Variants in PPP4R4 observed in about 807,000 individuals in gnomAD.
PPP4R4 encodes the protein protein phosphatase 4 regulatory subunit 4.
Under a neutral mutation model 121.8 loss-of-function variants are expected in PPP4R4, and 70 were observed. The ratio of observed to expected loss-of-function variants is 0.57; its 90% confidence interval spans 0.47 to 0.70. The LOEUF is 0.70. Ranked by LOEUF, PPP4R4 falls within the 30% of genes least tolerant of loss-of-function variation. The probability of loss-of-function intolerance (pLI) is 0.00; values close to 1 mark genes in which losing one functional copy is unlikely to be tolerated. For synonymous variants in PPP4R4, 348 were observed against 355.7 expected, an observed-to-expected ratio of 0.98 and a Z score of 0.24; for missense variants, 875 against 1,033.6, an observed-to-expected ratio of 0.85 and a Z score of 2.10.
chr14:94,268,939 G>A (rs1894182533), intron 23 of PPP4R4, among the ~76,000 whole-genome samples: 1 of 152,074 alleles, frequency 6.6e-6, no homozygotes, highest in Non-Finnish European at 1.5e-5. Context: ...TAAAATATTT[G>A]AAAAATATTC....
intron 2 of PPP4R4, among the ~76,000 whole-genome samples, chr14:94,176,328 C>G (rs1226959941): frequency 1.3e-5 from 2 of 152,030 alleles, no homozygotes; most frequent in Non-Finnish European, 2.9e-5. Context: ...AATAAAATAC[C>G]TAATTTATAG....
intron 2 of PPP4R4, among the ~76,000 whole-genome samples, chr14:94,207,269 A>G (rs904488624): frequency 3.3e-5 from 5 of 151,910 alleles, no homozygotes; most frequent in Non-Finnish European, 7.4e-5. Flanking sequence ...TCCATTTGGC[A>G]TGGGTTCTCT....
chr14:94,261,542 T>G (rs1893786359), intron 19 of PPP4R4, among the ~76,000 whole-genome samples: 1 of 152,092 alleles, frequency 6.6e-6, no homozygotes, highest in Admixed American at 6.5e-5. Context: ...TTCTTTCTAT[T>G]CAATATTTAT....
intron 2 of PPP4R4, among the ~76,000 whole-genome samples, chr14:94,186,167 T>G (rs1481322547): frequency 2.0e-5 from 3 of 152,194 alleles, no homozygotes; most frequent in African/African-American, 4.8e-5. Context: ...ACCATGTAAT[T>G]TAATGATTTT....
At chr14:94,245,156 CTT>C (rs1310538147) in intron 12 of PPP4R4, among the ~76,000 whole-genome samples, 1 of 152,050 alleles carries the variant, frequency 6.6e-6, no homozygotes, top group African/African-American at 2.4e-5. Context: ...CTTATGAAGA[CTT>C]TGAAATACTT....
chr14:94,245,906 C>A (rs1892869113), intron 13 of PPP4R4, among the ~76,000 whole-genome samples: 1 of 151,996 alleles, frequency 6.6e-6, no homozygotes, highest in Non-Finnish European at 1.5e-5. Context: ...AGTTTATGTT[C>A]ATATTTTCAT....
intron 11 of PPP4R4, among the ~76,000 whole-genome samples, chr14:94,242,936 A>G (rs1045555025): frequency 2.6e-5 from 4 of 152,192 alleles, no homozygotes; most frequent in Non-Finnish European, 5.9e-5. Flanking sequence ...AATTTGGGGC[A>G]TGTTTCTTGA....
At chr14:94,278,589 C>T in intron 24 of PPP4R4, 30 bp from the exon 25 acceptor site, 1 of 1,517,046 alleles carries the variant, frequency 6.6e-7, no homozygotes, top group Middle Eastern at 1.7e-4. Context: ...CCCACCCTCC[C>T]TCTCTTCCTT....
intron 3 of PPP4R4, chr14:94,227,595 T>C: frequency 7.8e-6 from 10 of 1,284,522 alleles, no homozygotes; most frequent in Non-Finnish European, 9.8e-6. Flanking sequence ...CAAATGTTGC[T>C]GCGGGAGTCA....
chr14:94,271,266 A>T (rs1894314275), intron 23 of PPP4R4, among the ~76,000 whole-genome samples: 1 of 152,210 alleles, frequency 6.6e-6, no homozygotes, highest in African/African-American at 2.4e-5. Flanking sequence ...AAAATTATCA[A>T]AAAAATTAGC....
chr14:94,193,087 C>T (rs1889687592), intron 2 of PPP4R4, among the ~76,000 whole-genome samples: 1 of 152,084 alleles, frequency 6.6e-6, no homozygotes, highest in Non-Finnish European at 1.5e-5. Flanking sequence ...ATTTCTGGTT[C>T]CTTTCTTGAT....
chr14:94,272,397 T>G (rs981376995), intron 23 of PPP4R4, among the ~76,000 whole-genome samples: 3 of 152,204 alleles, frequency 2.0e-5, no homozygotes, highest in Admixed American at 1.3e-4. Flanking sequence ...GCAAAGCCAA[T>G]ACAATGGAGA....
At chr14:94,257,835 G>C (rs770427249) in intron 17 of PPP4R4, among the ~76,000 whole-genome samples, 3 of 152,018 alleles carry the variant, frequency 2.0e-5, no homozygotes, top group Non-Finnish European at 4.4e-5. Flanking sequence ...TGCTATACAG[G>C]TGTAACAGTG....
chr14:94,269,809 T>C (rs1228333948), intron 23 of PPP4R4, among the ~76,000 whole-genome samples: 3 of 152,198 alleles, frequency 2.0e-5, no homozygotes, highest in African/African-American at 7.2e-5. Flanking sequence ...TCTTCAGTTA[T>C]ACTACTCAAA....
chr14:94,262,294 A>G (rs2139634364), intron 19 of PPP4R4, among the ~76,000 whole-genome samples: 1 of 152,026 alleles, frequency 6.6e-6, no homozygotes, highest in Admixed American at 6.5e-5. Flanking sequence ...CTTCCACCCC[A>G]GTTTACATGT....
At chr14:94,251,665 T>C (rs536434738) in intron 15 of PPP4R4, 84 bp from the exon 16 acceptor site, 1 of 1,107,356 alleles carries the variant, frequency 9.0e-7, no homozygotes, top group Non-Finnish European at 1.3e-6. Flanking sequence ...AAGAAACTTC[T>C]TATGCATTTT....
At chr14:94,273,610 C>A (rs1016484961) in intron 23 of PPP4R4, among the ~76,000 whole-genome samples, 48 of 151,990 alleles carry the variant, frequency 3.2e-4, no homozygotes, top group African/African-American at 1.0e-3. Flanking sequence ...GAACTGTGGA[C>A]TTTGGGTGAT....
intron 2 of PPP4R4, 43 bp from the exon 3 acceptor site, chr14:94,208,421 C>A: frequency 7.0e-7 from 1 of 1,432,778 alleles, no homozygotes; most frequent in Non-Finnish European, 9.7e-7. Context: ...CAGAGGAATT[C>A]AGCTTATAAT....
intron 3 of PPP4R4, among the ~76,000 whole-genome samples, chr14:94,223,540 C>G (rs1315644394): frequency 1.3e-5 from 2 of 152,152 alleles, no homozygotes; most frequent in Non-Finnish European, 2.9e-5. Flanking sequence ...CCTCAAGACC[C>G]TCTTCTAGAA....
Sources: allele counts gnomAD v4.1 joint callset (sites outside exome capture counted in the v4.1 genomes callset), GRCh38; gene constraint gnomAD v4.1.1; transcripts MANE v1.5; gene names NCBI Gene and HGNC (gene_info 2026-07-23, HGNC 2026-07-21).